Variants in CWC27 observed in about 807,000 individuals in gnomAD.
CWC27 encodes spliceosome-associated protein CWC27 homolog.
In CWC27, 47 loss-of-function variants were observed where a neutral mutation model predicts 63.6. That is an observed-to-expected ratio of 0.74 (90% CI 0.58 to 0.94). The LOEUF (loss-of-function observed/expected upper bound fraction) is 0.94. Among genes scored for constraint, CWC27 ranks in the 40% least tolerant of loss-of-function variants. The pLI, the probability that CWC27 is intolerant of heterozygous loss-of-function variation, is 0.00. For missense variants in CWC27, 495 were observed against 554.3 expected (o/e 0.89, Z 1.07); for synonymous variants, 175 against 179.8 (o/e 0.97, Z 0.22).
intron 10 of CWC27, among the ~76,000 whole-genome samples, chr5:64,850,101 A>C (rs1310107352): frequency 6.6e-6 from 1 of 152,028 alleles, no homozygotes; most frequent in African/African-American, 2.4e-5. Context: ...ACACACAAAA[A>C]TCCCTTAAAT....
intron 11 of CWC27, among the ~76,000 whole-genome samples, chr5:64,891,706 T>A (rs984712492): frequency 3.3e-5 from 5 of 152,322 alleles, no homozygotes; most frequent in Non-Finnish European, 5.9e-5. Context: ...TTCTAACCAA[T>A]TCACATATTT....
Position 64,789,039 on chromosome 5 carries a change from T to C in CWC27, c.669+19T>C, listed in dbSNP as rs1202968767. Reference sequence around the variant, plus strand: ...TAGTCAGGTAATCTCTAATTTGCCCTTTGTTCTAACTTACAAAAGAGATTG... The same window carrying C: ...TAGTCAGGTAATCTCTAATTTGCCCCTTGTTCTAACTTACAAAAGAGATTG... On this transcript the variant is annotated intron_variant, in intron 7 of 13. Coordinates refer to ENST00000381070, the MANE Select transcript of CWC27 (RefSeq NM_005869.4). 6.4e-7 allele frequency: 1 copy of C among 1,568,042 alleles called. No homozygotes were observed. Among genetic ancestry groups the C allele is most frequent in the Non-Finnish European group, 8.7e-7 (1 of 1,151,566 alleles).
intron 11 of CWC27, among the ~76,000 whole-genome samples, chr5:64,906,404 A>G (rs1747642577): frequency 6.6e-6 from 1 of 152,098 alleles, no homozygotes; most frequent in African/African-American, 2.4e-5. Context: ...TTTGATTTGC[A>G]TTTCTCTGAT....
At chr5:64,944,300 C>T (rs1005025847) in intron 11 of CWC27, among the ~76,000 whole-genome samples, 1 of 151,986 alleles carries the variant, frequency 6.6e-6, no homozygotes, top group Non-Finnish European at 1.5e-5. Flanking sequence ...TCTCCAATTC[C>T]CCTTTTCCTG....
At chr5:64,998,218 G>A (rs1484541880) in intron 13 of CWC27, among the ~76,000 whole-genome samples, 1 of 152,032 alleles carries the variant, frequency 6.6e-6, no homozygotes, top group African/African-American at 2.4e-5. Context: ...AGAGAGATAG[G>A]GAGACAGCCA....
chr5:64,869,999 A>C (rs1746627688), intron 10 of CWC27, among the ~76,000 whole-genome samples: 1 of 152,062 alleles, frequency 6.6e-6, no homozygotes, highest in South Asian at 2.1e-4. Flanking sequence ...CTAAAAAATG[A>C]GAGTGAAAAG....
At chr5:64,985,466 T>C (rs1267952130) in intron 13 of CWC27, among the ~76,000 whole-genome samples, 1 of 152,258 alleles carries the variant, frequency 6.6e-6, no homozygotes, top group Admixed American at 6.5e-5. Context: ...ATTTTATAGT[T>C]GTTAGCAGTA....
chr5:64,969,908 A>G (rs1749086822), intron 11 of CWC27, among the ~76,000 whole-genome samples: 1 of 152,074 alleles, frequency 6.6e-6, no homozygotes, highest in Admixed American at 6.5e-5. Flanking sequence ...GAACGGAGAG[A>G]TGAAGTATTT....
chr5:64,786,580 A>C lies in CWC27; in HGVS notation c.552A>C (p.Lys184Asn). The C allele has an allele frequency of 6.3e-7, 1 of 1,593,706 alleles. No homozygotes were observed. The highest frequency in any genetic ancestry group is 8.5e-7 in the Non-Finnish European group (1 of 1,171,650). ...CAAGGGAAATTAAAAGGCTGAAAAA[A>C]GAGAAACCAGAGGAGGAAGTAAAGA... Reference protein sequence around the residue: ...IIPREIKRLKKEKPEEEVKKL... With the variant: ...IIPREIKRLKNEKPEEEVKKL... The change falls in exon 6 of 14, where the codon AAA becomes AAC. Residue 184 changes from lysine to asparagine, a missense_variant. Lys to Asn is a moderately conservative substitution (Grantham distance 94). This residue lies in a region of CWC27 where 463 missense variants were observed against 498.1 expected (regional missense o/e 0.93). Coordinates refer to ENST00000381070, the MANE Select transcript of CWC27 (RefSeq NM_005869.4).
intron 13 of CWC27, among the ~76,000 whole-genome samples, chr5:65,010,971 CATTT>C (rs1375071417): frequency 1.3e-5 from 2 of 152,152 alleles, no homozygotes; most frequent in African/African-American, 4.8e-5. Flanking sequence ...TACTCAGAAA[CATTT>C]ATTTATTCAG....
intron 11 of CWC27, among the ~76,000 whole-genome samples, chr5:64,933,961 T>G (rs1748292726): frequency 6.6e-6 from 1 of 152,160 alleles, no homozygotes; most frequent in Non-Finnish European, 1.5e-5. Context: ...ATTCTAATAA[T>G]GTCCTTCATA....
At chr5:64,811,098 GAAA>G (rs1395196730) in intron 10 of CWC27, among the ~76,000 whole-genome samples, 1 of 151,980 alleles carries the variant, frequency 6.6e-6, no homozygotes, top group Admixed American at 6.6e-5. Flanking sequence ...TCAGCCATAA[GAAA>G]TTTTTAAAAA....
intron 11 of CWC27, among the ~76,000 whole-genome samples, chr5:64,911,349 G>A (rs1474584481): frequency 1.3e-5 from 2 of 152,132 alleles, no homozygotes; most frequent in Admixed American, 1.3e-4. Context: ...ATAGAGTGGA[G>A]GATTAACTAA....
chr5:64,794,812 C>A (rs1156763484), intron 7 of CWC27, among the ~76,000 whole-genome samples: 2 of 152,116 alleles, frequency 1.3e-5, no homozygotes, highest in Admixed American at 1.3e-4. Flanking sequence ...ATTCAGGAAT[C>A]TTTACATGTA....
intron 13 of CWC27, among the ~76,000 whole-genome samples, chr5:64,997,293 T>C (rs1378234396): frequency 6.6e-6 from 1 of 152,186 alleles, no homozygotes; most frequent in Non-Finnish European, 1.5e-5. Flanking sequence ...TTTCTAACTC[T>C]GTGCCCTAAA....
chr5:64,911,826 G>C (rs914927025), intron 11 of CWC27, among the ~76,000 whole-genome samples: 4 of 152,114 alleles, frequency 2.6e-5, no homozygotes, highest in African/African-American at 9.7e-5. Context: ...TGTAATCCCA[G>C]CACTTTGGGA....
Position 64,862,297 on chromosome 5 carries a change from C to T in CWC27, c.939-23146C>T, listed in dbSNP as rs963681593. The stretch of plus-strand genomic sequence containing the variant: ...ATGGACTCCATGCTACTATGGCCAG[C>T]GCAAATAATCTTTTATCTTATTAAA... On this transcript the variant is annotated intron_variant, in intron 10 of 13. Transcript: ENST00000381070. Among the ~76,000 whole-genome samples the T allele has an allele frequency of 4.6e-5, 7 of 152,064 alleles. No homozygotes were observed. In the East Asian group the frequency reaches 7.7e-4, roughly 17 times the overall value.
intron 11 of CWC27, among the ~76,000 whole-genome samples, chr5:64,962,808 G>C (rs1748941808): frequency 6.6e-6 from 1 of 152,110 alleles, no homozygotes. Flanking sequence ...GAGTGTGATG[G>C]AGATGCAGTC....
intron 11 of CWC27, among the ~76,000 whole-genome samples, chr5:64,940,826 TTTTC>T (rs1323073475): frequency 8.2e-5 from 12 of 145,936 alleles, no homozygotes; most frequent in Non-Finnish European, 1.8e-4. Context: ...GAAGCTGGCT[TTTTC>T]TTTCTTTCTT....
Sources: gnomAD v4.1 joint callset for allele counts (sites outside exome capture counted in the v4.1 genomes callset) on GRCh38, gnomAD v4.1.1 for gene constraint, gnomAD v4.1.1 regional missense constraint, MANE v1.5 for transcripts, NCBI Gene and HGNC (gene_info 2026-07-23, HGNC 2026-07-21) for gene names.